Variants in USP13 observed in about 807,000 individuals in gnomAD.
USP13 encodes the protein ubiquitin specific peptidase 13, also known as ubiquitin carboxyl-terminal hydrolase 13.
In USP13, 68 loss-of-function variants were observed where a neutral mutation model predicts 107.8. The observed-to-expected ratio is 0.63, with a 90% CI of 0.52 to 0.77. The LOEUF (loss-of-function observed/expected upper bound fraction) is 0.77, where lower values mean the gene tolerates loss of function less well. Ranked by LOEUF, USP13 falls within the 30% of genes least tolerant of loss-of-function variation. The pLI, the probability that USP13 is intolerant of heterozygous loss-of-function variation, is 0.00. For missense variants in USP13, 945 were observed against 1,093.3 expected (o/e 0.86, Z 1.91); for synonymous variants, 377 against 389.5 (o/e 0.97, Z 0.38).
At chr3:179,738,070 G>A (rs961353635) in intron 10 of USP13, among the ~76,000 whole-genome samples, 1 of 152,200 alleles carries the variant, frequency 6.6e-6, no homozygotes, top group African/African-American at 2.4e-5. Flanking sequence ...TTCTGCAAAC[G>A]TGTCATCGTC....
At position 179,655,560 on chromosome 3, in the gene USP13, TTGTTTTG is replaced by T. The variant is rs1560036557; in HGVS notation, c.168+2169_168+2175del. On this transcript the variant is annotated intron_variant, in intron 1 of 20. Coordinates refer to ENST00000263966, the MANE Select transcript of USP13 (RefSeq NM_003940.3). The stretch of plus-strand genomic sequence containing the variant: ...TGATAATGGGAAGGTTTTTTTTGTT[TTGTTTTG>T]TTTTTTTTTTGAGTTTTGCTCTTGT... Among the ~76,000 whole-genome samples the T allele has an allele frequency of 8.2e-4, 114 of 139,180 alleles. 4 individuals are homozygous for T. Among genetic ancestry groups the T allele is most frequent in the African/African-American group, 2.8e-3 (104 of 36,896 alleles). The allele number at this position is 139,180 out of a possible 152,430, so 91.3% of individuals were successfully genotyped here. A position where few individuals can be genotyped will look rare whatever the true frequency, so the allele number is the denominator to read the frequency against.
chr3:179,756,469 C>T (rs541551240), intron 15 of USP13, among the ~76,000 whole-genome samples: 64 of 152,190 alleles, frequency 4.2e-4, no homozygotes, highest in Non-Finnish European at 7.2e-4. Flanking sequence ...AGAGGCTGGG[C>T]GCAGTGGTGC....
Position 179,742,777 on chromosome 3 carries a change from G to T in USP13, c.1534+427G>T, listed in dbSNP as rs1714249226. 6.6e-6 allele frequency among the ~76,000 whole-genome samples: 1 copy of T among 152,158 alleles called. No individual in the cohort carries two copies. The highest frequency in any genetic ancestry group is 1.5e-5 in the Non-Finnish European group (1 of 68,034). On this transcript the variant is annotated intron_variant, in intron 12 of 20. Coordinates refer to ENST00000263966, the MANE Select transcript of USP13 (RefSeq NM_003940.3). This position sits in a 1 kb window ranked among gnomAD's most constrained non-coding sequence, Gnocchi z 5.0. ...AGGTCTCTTGAAATAATCCAGCTTTGGCACATGAGTATTTGAGCCACCTCT... is the reference window on the plus strand; with the variant it reads ...AGGTCTCTTGAAATAATCCAGCTTTTGCACATGAGTATTTGAGCCACCTCT...
chr3:179,672,568 G>T (rs1203208670), intron 1 of USP13, among the ~76,000 whole-genome samples: 1 of 151,542 alleles, frequency 6.6e-6, no homozygotes, highest in African/African-American at 2.4e-5. Context: ...TGTTAGCTGG[G>T]ACTACAGGTG....
At chr3:179,756,449 A>AAAC (rs1714804530) in intron 15 of USP13, among the ~76,000 whole-genome samples, 2 of 149,710 alleles carry the variant, frequency 1.3e-5, no homozygotes, top group African/African-American at 5.1e-5. Context: ...AACAAACAAA[A>AAAC]AATACAGAGA....
At chr3:179,661,818 T>C (rs1422006431) in intron 1 of USP13, among the ~76,000 whole-genome samples, 1 of 152,182 alleles carries the variant, frequency 6.6e-6, no homozygotes, top group African/African-American at 2.4e-5. Context: ...CTGATACTGA[T>C]TTTTCCAGTA....
intron 17 of USP13, among the ~76,000 whole-genome samples, chr3:179,763,535 T>C (rs545368448): frequency 1.3e-5 from 2 of 152,358 alleles, no homozygotes; most frequent in African/African-American, 4.8e-5. Flanking sequence ...GTTTTATTTC[T>C]GGAATCTCAA....
At chr3:179,663,101 T>C (rs1328148293) in intron 1 of USP13, among the ~76,000 whole-genome samples, 1 of 152,232 alleles carries the variant, frequency 6.6e-6, no homozygotes. Context: ...ATTCTTTTCA[T>C]CTTGCAAAAC....
At chr3:179,654,255 C>A (rs1720185735) in intron 1 of USP13, among the ~76,000 whole-genome samples, 1 of 150,918 alleles carries the variant, frequency 6.6e-6, no homozygotes, top group African/African-American at 2.4e-5. Context: ...CCTTCCGGTG[C>A]CTCCACTCGG....
chr3:179,727,740 G>T (rs1256159517), intron 8 of USP13, among the ~76,000 whole-genome samples: 1 of 94,702 alleles, frequency 1.1e-5, no homozygotes, highest in African/African-American at 3.6e-5. Context: ...CAGTAGGGGC[G>T]GCCGGGCAGA....
At chr3:179,722,236 G>A (rs1187605787) in intron 8 of USP13, among the ~76,000 whole-genome samples, 7 of 152,066 alleles carry the variant, frequency 4.6e-5, no homozygotes, top group African/African-American at 2.4e-5. Flanking sequence ...GGAGAGATCC[G>A]GTGGTAGGTC....
intron 9 of USP13, among the ~76,000 whole-genome samples, 167 bp downstream of exon 9, chr3:179,730,427 A>C (rs1340718726): frequency 6.6e-6 from 1 of 152,262 alleles, no homozygotes; most frequent in Non-Finnish European, 1.5e-5. Flanking sequence ...GTTATCTACA[A>C]AGGACTGAAG....
chr3:179,711,771 G>A (rs1037029987), intron 6 of USP13, among the ~76,000 whole-genome samples: 9 of 152,062 alleles, frequency 5.9e-5, no homozygotes, highest in African/African-American at 1.7e-4. Flanking sequence ...GGACCTGCCC[G>A]AGGCTGTTGT....
intron 3 of USP13, among the ~76,000 whole-genome samples, chr3:179,692,420 C>T (rs1237222207): frequency 3.3e-5 from 5 of 152,202 alleles, no homozygotes; most frequent in African/African-American, 7.2e-5. Flanking sequence ...CTTTTCTGTA[C>T]GAGGCTTATC....
chr3:179,682,890 A>T (rs1471057082), intron 2 of USP13, among the ~76,000 whole-genome samples: 1 of 152,122 alleles, frequency 6.6e-6, no homozygotes, highest in Non-Finnish European at 1.5e-5. Flanking sequence ...GATAGTGCCA[A>T]GTCTCTCCCC....
rs1715758155 is a variant in USP13 at position 179,781,825 on chromosome 3, T to G, written c.2498+2T>G. 6.2e-7 allele frequency: 1 copy of G among 1,612,738 alleles called. No individual in the cohort carries two copies. Among genetic ancestry groups the G allele is most frequent in the Non-Finnish European group, 8.5e-7 (1 of 1,179,132 alleles). ...TTGCCATATCAAAAAGGAAGGAAGG[T>G]GAGTCATTTTTAGAAGGTAAATGTT... On this transcript the variant is annotated splice_donor_variant, in intron 20 of 20. Coordinates refer to ENST00000263966, the MANE Select transcript of USP13 (RefSeq NM_003940.3). LOFTEE classifies it high-confidence loss of function.
chr3:179,748,828 A>G (rs1030419862), intron 13 of USP13, among the ~76,000 whole-genome samples: 4 of 152,214 alleles, frequency 2.6e-5, no homozygotes, highest in South Asian at 4.1e-4. Context: ...TCTAGAACTT[A>G]TTGGTATGCA....
chr3:179,703,850 G>GA (rs1416259141), intron 4 of USP13, among the ~76,000 whole-genome samples: 1 of 152,156 alleles, frequency 6.6e-6, no homozygotes, highest in Non-Finnish European at 1.5e-5. Context: ...GTCACCTTTT[G>GA]AAAACATTTT....
At chr3:179,761,046 A>G in intron 16 of USP13, 66 bp from the exon 17 acceptor site, 1 of 1,592,434 alleles carries the variant, frequency 6.3e-7, no homozygotes, top group Non-Finnish European at 8.6e-7. Flanking sequence ...AGGAGAGTGG[A>G]GAGTAGCTAA....
Sources: gnomAD v4.1 joint callset for allele counts (sites outside exome capture counted in the v4.1 genomes callset) on GRCh38, gnomAD v4.1.1 for gene constraint, Gnocchi (gnomAD v3.1) non-coding constraint, MANE v1.5 for transcripts, NCBI Gene and HGNC (gene_info 2026-07-23, HGNC 2026-07-21) for gene names.